Variants in B4GALNT2 observed in about 807,000 individuals in gnomAD.
B4GALNT2 encodes beta-1,4-N-acetyl-galactosaminyltransferase 2 (SID blood group), also known as N-acetylneuraminylgalactosylglucosyl-glucoside beta-1,4-N- acetylgalactosaminyltransferase 2.
In B4GALNT2, 42 loss-of-function variants were observed where a neutral mutation model predicts 51.1. The ratio of observed to expected loss-of-function variants is 0.82; its 90% CI spans 0.64 to 1.06. The LOEUF is 1.06. Ranked by LOEUF, B4GALNT2 falls within the 50% of genes least tolerant of loss-of-function variation. The pLI is 0.00. For missense variants in B4GALNT2, 602 were observed against 633.6 expected, an observed-to-expected ratio of 0.95 and a Z score of 0.54; for synonymous variants, 253 against 251.7, an observed-to-expected ratio of 1.01 and a Z score of -0.05.
Position 49,163,184 on chromosome 17 carries a change from G to T in B4GALNT2, c.767-904G>T, listed in dbSNP as rs1448046128. ...GCAGCTCCAGTTGTGGCATCACGGG[G>T]TCTTTTCCTTAGGAAAGCTGTCCCC... is the stretch of plus-strand genomic sequence containing the variant. On this transcript the variant is annotated intron_variant, in intron 7 of 10. Transcript: ENST00000393354. Among the ~76,000 whole-genome samples the T allele has an allele frequency of 2.0e-5, 3 of 152,270 alleles. No individual in the cohort carries two copies. In the South Asian group the frequency reaches 6.2e-4, roughly 32 times the overall value.
chr17:49,146,498 A>C (rs1386191222), intron 3 of B4GALNT2, among the ~76,000 whole-genome samples: 3 of 152,092 alleles, frequency 2.0e-5, no homozygotes, highest in Non-Finnish European at 4.4e-5. Context: ...TTTTATGGAG[A>C]TGGGGTTTCC....
chr17:49,172,097 G>T lies in B4GALNT2; in HGVS notation c.*2369G>T. 6.6e-6 allele frequency: 2 copies of T among 304,146 alleles called. No homozygotes were observed. The highest frequency in any genetic ancestry group is 1.1e-4 in the East Asian group (2 of 18,336). 18.8% of individuals were successfully genotyped at this position (304,146 alleles called of 1,614,324 possible). On this transcript the variant is annotated 3_prime_UTR_variant, in exon 11 of 11. Coordinates refer to ENST00000393354, the MANE Select transcript of B4GALNT2 (RefSeq NM_001159387.2). ...TATCATTAAATTACTCATTGTGACTGGTTGTCCCACTTTCCTCAGGTTTTC... is the reference window on the plus strand; with the variant it reads ...TATCATTAAATTACTCATTGTGACTTGTTGTCCCACTTTCCTCAGGTTTTC...
intron 7 of B4GALNT2, among the ~76,000 whole-genome samples, chr17:49,161,164 A>G (rs1238624575): frequency 7.3e-5 from 11 of 151,600 alleles, no homozygotes; most frequent in Non-Finnish European, 1.6e-4. Context: ...AATCCCTGCT[A>G]CTCTGGAGGC....
chr17:49,125,746 G>A, the B4GALNT2 span, among the ~76,000 whole-genome samples: 3 of 144,320 alleles, frequency 2.1e-5, no homozygotes, highest in Non-Finnish European at 3.1e-5. Context: ...CCCGGAGGGA[G>A]GTGGGGGGGT....
intron 1 of B4GALNT2, among the ~76,000 whole-genome samples, chr17:49,137,734 AGAACTTAACAG>A (rs1052321424): frequency 2.6e-5 from 4 of 152,226 alleles, no homozygotes; most frequent in African/African-American, 9.6e-5. Flanking sequence ...ATTCTTTTTC[AGAACTTAACAG>A]GGAGGCCCCT....
In B4GALNT2 at chr17:49,171,457, TAG is replaced by T. The variant is rs1248261082; in HGVS notation, c.*1732_*1733del. ...TTTGCAATATGCAAAGACAAGTTTG[TAG>T]AGTGTCCTTCTAGATGCTTTTTTAT... On this transcript the variant is annotated 3_prime_UTR_variant, in exon 11 of 11. Coordinates refer to ENST00000393354, the MANE Select transcript of B4GALNT2 (RefSeq NM_001159387.2). 1 of 405,438 alleles carries T rather than the reference TAG, an allele frequency of 2.5e-6. No individual in the cohort carries two copies. Among genetic ancestry groups the T allele is most frequent in the Admixed American group, 3.4e-5 (1 of 29,394 alleles). The allele number at this position is 405,438 out of a possible 1,614,324, so 25.1% of individuals were successfully genotyped here. A position where few individuals can be genotyped will look rare whatever the true frequency, so the allele number is the denominator to read the frequency against.
intron 3 of B4GALNT2, among the ~76,000 whole-genome samples, chr17:49,146,888 T>C (rs570639383): frequency 3.0e-4 from 46 of 152,362 alleles, no homozygotes; most frequent in African/African-American, 1.1e-3. Context: ...AGGTTGGCAC[T>C]GCTCTTGCAG....
upstream of B4GALNT2, among the ~76,000 whole-genome samples, chr17:49,130,181 T>C (rs1481879787): frequency 6.6e-6 from 1 of 152,250 alleles, no homozygotes; most frequent in African/African-American, 2.4e-5. Flanking sequence ...AACACTAATG[T>C]GAAGCAAGAG....
In B4GALNT2 at chr17:49,142,019, CTCTTGCT is replaced by C. The variant is rs759114156; in HGVS notation, c.216-14_216-8del. On this transcript the variant is annotated splice_polypyrimidine_tract_variant and intron_variant, in intron 2 of 10. Transcript: ENST00000393354. ...ACCCACCCAATCCATGTTTACAGTC[CTCTTGCT>C]TGTTTCAGGCTGTTCCCGAAAAATC... The C allele has an allele frequency of 3.1e-6, 5 of 1,613,762 alleles. No individual in the cohort carries two copies. The highest frequency in any genetic ancestry group is 4.2e-6 in the Non-Finnish European group (5 of 1,180,012).
intron 1 of B4GALNT2, among the ~76,000 whole-genome samples, chr17:49,136,952 A>G (rs1306996346): frequency 1.3e-5 from 2 of 152,148 alleles, no homozygotes; most frequent in Non-Finnish European, 2.9e-5. Flanking sequence ...ACACATCACA[A>G]TTTTATCAAT....
intron 6 of B4GALNT2, among the ~76,000 whole-genome samples, chr17:49,159,782 C>T (rs777747077): frequency 2.0e-5 from 3 of 152,158 alleles, no homozygotes; most frequent in Non-Finnish European, 2.9e-5. Flanking sequence ...TCATGCTGTG[C>T]GCTTTGCACC....
intron 3 of B4GALNT2, among the ~76,000 whole-genome samples, chr17:49,143,530 C>T (rs998843652): frequency 2.0e-5 from 3 of 152,130 alleles, no homozygotes; most frequent in African/African-American, 7.2e-5. Context: ...AGGTTACTGC[C>T]TTAGTGCTCA....
the B4GALNT2 span, among the ~76,000 whole-genome samples, chr17:49,122,640 A>C: frequency 6.6e-6 from 1 of 152,068 alleles, no homozygotes; most frequent in African/African-American, 2.4e-5. Context: ...CTTTCTTTAA[A>C]TTTTTCAGCA....
Position 49,171,621 on chromosome 17 carries a change from G to T in B4GALNT2, c.*1893G>T. The stretch of plus-strand genomic sequence containing the variant: ...ACGTTTCCAGATAATGGGAACTCTT[G>T]CTGTATTTCTTACCATTTCTACCAT... On this transcript the variant is annotated 3_prime_UTR_variant, in exon 11 of 11. Coordinates refer to ENST00000393354, the MANE Select transcript of B4GALNT2 (RefSeq NM_001159387.2). 2.5e-6 allele frequency: 1 copy of T among 397,380 alleles called. No homozygotes were observed. The highest frequency in any genetic ancestry group is 4.8e-6 in the Non-Finnish European group (1 of 206,904). 24.6% of individuals were successfully genotyped at this position (397,380 alleles called of 1,614,324 possible). A position where few individuals can be genotyped will look rare whatever the true frequency, so the allele number is the denominator to read the frequency against.
chr17:49,143,913 C>T (rs1427465881), intron 3 of B4GALNT2, among the ~76,000 whole-genome samples: 2 of 152,100 alleles, frequency 1.3e-5, no homozygotes, highest in African/African-American at 4.8e-5. Flanking sequence ...TTTGGGAGGC[C>T]AAGACAGGTG....
intron 1 of B4GALNT2, 86 bp from the exon 2 acceptor site, chr17:49,141,161 A>G: frequency 7.6e-7 from 1 of 1,320,652 alleles, no homozygotes; most frequent in Non-Finnish European, 1.1e-6. Context: ...CTTAGCTTAC[A>G]TTTTTCCTGA....
upstream of B4GALNT2, among the ~76,000 whole-genome samples, chr17:49,131,462 GAAAA>G (rs367790096): frequency 1.0e-5 from 1 of 100,310 alleles, no homozygotes; most frequent in Non-Finnish European, 1.9e-5. Context: ...CCCAGACTCC[GAAAA>G]AAAAAAAAAA....
chr17:49,154,018 T>TG (rs1176652748), intron 4 of B4GALNT2, among the ~76,000 whole-genome samples: 36 of 146,224 alleles, frequency 2.5e-4, no homozygotes, highest in African/African-American at 9.2e-4. Context: ...TGCTTTTTTT[T>TG]TTTTGGGGAC....
At chr17:49,157,177 T>C (rs186292905) in intron 5 of B4GALNT2, among the ~76,000 whole-genome samples, 37 of 152,310 alleles carry the variant, frequency 2.4e-4, no homozygotes, top group African/African-American at 8.9e-4. Flanking sequence ...TCTTCTTTTT[T>C]TGAGACAGGG....
Sources: gnomAD v4.1 joint callset for allele counts (sites outside exome capture counted in the v4.1 genomes callset) on GRCh38, gnomAD v4.1.1 for gene constraint, MANE v1.5 for transcripts, NCBI Gene and HGNC (gene_info 2026-07-23, HGNC 2026-07-21) for gene names.